The following UXS1 variants were observed in gnomAD, a reference collection of about 807,000 sequenced individuals.
UXS1 encodes the protein UDP-glucuronate decarboxylase 1, also known as UDP-glucuronic acid decarboxylase 1.
In UXS1, 33 loss-of-function variants were observed where a neutral mutation model predicts 62.6. That is an observed-to-expected ratio of 0.53 (90% CI 0.40 to 0.70). UXS1 has a LOEUF of 0.70. Among genes scored for constraint, UXS1 ranks in the 30% least tolerant of loss-of-function variants. UXS1 has a pLI of 0.00. For missense variants in UXS1, 434 were observed against 556.3 expected (o/e 0.78, Z 2.21); for synonymous variants, 213 against 206.8 (o/e 1.03, Z -0.26).
intron 6 of UXS1, among the ~76,000 whole-genome samples, chr2:106,130,707 G>A (rs895028993): frequency 6.6e-6 from 1 of 152,170 alleles, no homozygotes; most frequent in East Asian, 1.9e-4. Flanking sequence ...TGCCGGGAAT[G>A]GAAGAGCTGA....
chr2:106,137,799 A>G (rs1299741720), intron 6 of UXS1, among the ~76,000 whole-genome samples: 1 of 152,050 alleles, frequency 6.6e-6, no homozygotes, highest in Non-Finnish European at 1.5e-5. Flanking sequence ...CCGTCTCAAA[A>G]AAATAAATAA....
At chr2:106,107,547 C>G (rs941500545) in intron 10 of UXS1, among the ~76,000 whole-genome samples, 16 of 152,312 alleles carry the variant, frequency 1.1e-4, no homozygotes, top group African/African-American at 3.8e-4. Context: ...CTGCCAGGGT[C>G]AGGATGTGAA....
intron 5 of UXS1, among the ~76,000 whole-genome samples, chr2:106,147,318 C>G (rs945982085): frequency 1.3e-5 from 2 of 152,188 alleles, no homozygotes; most frequent in African/African-American, 4.8e-5. Context: ...AATATTAAAA[C>G]AGAGATCATA....
chr2:106,131,220 C>T (rs1278341440), intron 6 of UXS1, among the ~76,000 whole-genome samples: 2 of 149,652 alleles, frequency 1.3e-5, no homozygotes, highest in East Asian at 4.0e-4. Flanking sequence ...CGGCGCACCA[C>T]GAGACTATAT....
At chr2:106,136,894 C>T (rs1680679689) in intron 6 of UXS1, among the ~76,000 whole-genome samples, 1 of 121,420 alleles carries the variant, frequency 8.2e-6, no homozygotes, top group African/African-American at 3.1e-5. Flanking sequence ...CACATGTACC[C>T]TAAAACTTAA....
chr2:106,156,147 T>C (rs1027854196), intron 5 of UXS1, among the ~76,000 whole-genome samples: 1 of 152,012 alleles, frequency 6.6e-6, no homozygotes, highest in Non-Finnish European at 1.5e-5. Flanking sequence ...ATATACCTGA[T>C]AAGAAACTTG....
At chr2:106,183,739 C>T (rs1684389823) in intron 1 of UXS1, 1 of 152,120 alleles carries the variant, frequency 6.6e-6, no homozygotes, top group Non-Finnish European at 1.5e-5. Context: ...GTTATCAGCT[C>T]TTTAGAGAAA....
intron 1 of UXS1, among the ~76,000 whole-genome samples, chr2:106,181,112 G>C (rs959370174): frequency 4.6e-5 from 7 of 152,192 alleles, no homozygotes; most frequent in African/African-American, 1.7e-4. Context: ...CTAGTTCATG[G>C]GGGCATCCCA....
chr2:106,130,914 G>C (rs533266815), intron 6 of UXS1, among the ~76,000 whole-genome samples: 1 of 152,098 alleles, frequency 6.6e-6, no homozygotes, highest in Non-Finnish European at 1.5e-5. Flanking sequence ...CAAGATGGCC[G>C]AATAGGAACA....
intron 2 of UXS1, among the ~76,000 whole-genome samples, chr2:106,165,286 C>G (rs1683143796): frequency 6.6e-6 from 1 of 152,114 alleles, no homozygotes; most frequent in African/African-American, 2.4e-5. Context: ...CGACACCATC[C>G]CACCCACCTT....
chr2:106,106,162 C>T (rs186273968), intron 10 of UXS1, among the ~76,000 whole-genome samples: 58 of 152,202 alleles, frequency 3.8e-4, no homozygotes, highest in East Asian at 1.4e-3. Flanking sequence ...GTCGGGAGTT[C>T]GACACCAGCC....
At chr2:106,110,969 G>A (rs757861685) in intron 10 of UXS1, among the ~76,000 whole-genome samples, 1 of 152,180 alleles carries the variant, frequency 6.6e-6, no homozygotes, top group Non-Finnish European at 1.5e-5. Flanking sequence ...ACGCTGCTGG[G>A]ACAGGCAGGA....
chr2:106,108,734 C>T (rs1476253289), intron 10 of UXS1, among the ~76,000 whole-genome samples: 1 of 152,070 alleles, frequency 6.6e-6, no homozygotes, highest in Non-Finnish European at 1.5e-5. Flanking sequence ...GAGGACCGGC[C>T]GGGGGTGAGG....
intron 9 of UXS1, among the ~76,000 whole-genome samples, chr2:106,121,546 C>T (rs1679523395): frequency 6.6e-6 from 1 of 152,126 alleles, no homozygotes; most frequent in African/African-American, 2.4e-5. Context: ...CCTAAGTACC[C>T]ATGCACACAG....
chr2:106,110,998 C>T (rs1467381340), intron 10 of UXS1, among the ~76,000 whole-genome samples: 1 of 152,098 alleles, frequency 6.6e-6, no homozygotes, highest in Non-Finnish European at 1.5e-5. Context: ...GCAAGGAAGC[C>T]CGGCCTGAGG....
At chr2:106,102,041 A>G (rs1422990746) in intron 11 of UXS1, 1 of 152,358 alleles carries the variant, frequency 6.6e-6, no homozygotes, top group Non-Finnish European at 1.5e-5. Context: ...AACCGCAGAT[A>G]GGTTTTGCTT....
At chr2:106,168,030 G>A (rs1027776382) in intron 1 of UXS1, among the ~76,000 whole-genome samples, 10 of 152,196 alleles carry the variant, frequency 6.6e-5, no homozygotes, top group East Asian at 1.9e-4. Flanking sequence ...GCATGGTGGC[G>A]CATGCCTGTA....
chr2:106,131,178 G>A lies in UXS1; in HGVS notation c.473-1400C>T, dbSNP rs1229946796. On this transcript the variant is annotated intron_variant, in intron 6 of 14. Transcript: ENST00000283148. ...CTGGAAAATCGGGTCACTCCCACCC[G>A]AATATTGCGCTTTTCAGACCGGCTT... 3.3e-5 allele frequency among the ~76,000 whole-genome samples: 5 copies of A among 150,198 alleles called. No homozygotes were observed. The East Asian group carries it at 6.0e-4, about 18-fold the overall frequency.
intron 1 of UXS1, among the ~76,000 whole-genome samples, chr2:106,185,100 T>C (rs1684476812): frequency 6.6e-6 from 1 of 152,202 alleles, no homozygotes; most frequent in Non-Finnish European, 1.5e-5. Flanking sequence ...CTCCTGCTCC[T>C]GGCATTGTGT....
Sources: allele counts gnomAD v4.1 joint callset (sites outside exome capture counted in the v4.1 genomes callset), GRCh38; gene constraint gnomAD v4.1.1; transcripts MANE v1.5; gene names NCBI Gene and HGNC (gene_info 2026-07-23, HGNC 2026-07-21).